Variants in MNT observed in about 807,000 individuals in gnomAD.
The protein encoded by MNT is MAX network transcriptional repressor.
A neutral mutation model predicts 40.7 loss-of-function variants in MNT; 13 were observed. The ratio of observed to expected loss-of-function variants is 0.32; its 90% CI spans 0.21 to 0.51. The LOEUF (loss-of-function observed/expected upper bound fraction) is 0.51. Among genes scored for constraint, MNT ranks in the 20% least tolerant of loss-of-function variants. MNT has a pLI of 0.98. For missense variants in MNT, 757 were observed against 792.0 expected (o/e 0.96, Z 0.53); for synonymous variants, 426 against 354.8 (o/e 1.20, Z -2.26).
In MNT at chr17:2,394,347, C is replaced by T; in HGVS notation, c.654-1G>A. On this transcript the variant is annotated splice_acceptor_variant, in intron 2 of 5. Coordinates refer to ENST00000174618, the MANE Select transcript of MNT (RefSeq NM_020310.3). LOFTEE classifies it high-confidence loss of function. ...GTTGTGGACTTCTCTGGTTCCGATC[C>T]TGAAACCCAGACAGATAGGAGGCTC... is the stretch of plus-strand genomic sequence containing the variant. 6.2e-7 allele frequency: 1 copy of T among 1,613,820 alleles called. No homozygotes were observed. Among genetic ancestry groups the T allele is most frequent in the Non-Finnish European group, 8.5e-7 (1 of 1,179,980 alleles).
intron 1 of MNT, among the ~76,000 whole-genome samples, chr17:2,398,945 G>A (rs1597423121): frequency 6.6e-6 from 1 of 151,992 alleles, no homozygotes; most frequent in South Asian, 2.1e-4. Context: ...TGAGAGGCCG[G>A]TCGCCCCGAC....
intron 1 of MNT, among the ~76,000 whole-genome samples, chr17:2,400,119 G>C (rs1444985747): frequency 6.6e-6 from 1 of 152,236 alleles, no homozygotes; most frequent in Non-Finnish European, 1.5e-5. Context: ...GGCCAGGGAA[G>C]CCGAAGAGCT....
chr17:2,394,194 C>T (rs550989237), intron 3 of MNT, 40 bp from the exon 4 acceptor site: 46 of 1,076,828 alleles, frequency 4.3e-5, no homozygotes, highest in Non-Finnish European at 6.0e-5. Flanking sequence ...GTGCCTGGGG[C>T]GGGGCTGGGA....
chr17:2,393,384 AAG>A (rs894806588), intron 4 of MNT, among the ~76,000 whole-genome samples: 21 of 152,152 alleles, frequency 1.4e-4, no homozygotes, highest in Non-Finnish European at 2.6e-4. Context: ...GCCCCGAAAA[AAG>A]AGACACCCCC....
Position 2,387,261 on chromosome 17 carries a change from G to A in MNT, c.1389C>T (p.Gly463=), listed in dbSNP as rs773202867. ...QTVNHVLQGP[G]GKHIAHIAPS... is the part of the protein sequence containing the mutation. ...GGGCGATGTGGGCGATGTGCTTGCC[G>A]CCTGGCCCCTGCAGAACGTGGTTCA... The change falls in exon 6 of 6, where the codon GGC becomes GGT. Residue 463 remains glycine (G), a synonymous_variant. Transcript: ENST00000174618. 4.6e-5 allele frequency: 74 copies of A among 1,613,018 alleles called. No homozygotes were observed. Among genetic ancestry groups the A allele is most frequent in the Non-Finnish European group, 6.0e-5 (71 of 1,179,666 alleles).
Position 2,395,192 on chromosome 17 carries a change from C to G in MNT, c.336G>C (p.Gln112His), listed in dbSNP as rs1485814331. 4.4e-6 allele frequency: 5 copies of G among 1,123,888 alleles called. No homozygotes were observed. The Middle Eastern group carries it at 7.3e-4, about 164-fold the overall frequency. The allele number at this position is 1,123,888 out of a possible 1,614,324, so 69.6% of individuals were successfully genotyped here. Residue 112 changes from glutamine to histidine, a missense_variant, in exon 2 of 6, where the codon CAG becomes CAC. Around this residue, in one of 4 missense-constraint regions of MNT, gnomAD observed 335 missense variants for 291.4 expected, o/e 1.15. Transcript: ENST00000174618. ...PPPPPLPAAA[Q>H]PLPLAPRQPA... ...GCTGACGAGGCGCCAGGGGCAGAGG[C>G]TGGGCTGCCGCGGGCAAGGGTGGGG... is the stretch of plus-strand genomic sequence containing the variant.
intron 1 of MNT, 119 bp from the exon 2 acceptor site, chr17:2,395,573 C>T (rs1332141595): frequency 1.3e-6 from 2 of 1,499,764 alleles, no homozygotes; most frequent in Admixed American, 2.2e-5. Flanking sequence ...CAGCGAGAGA[C>T]ACCACAAATA....
At position 2,395,203 on chromosome 17, in the gene MNT, C is replaced by A. The variant is rs7207965; in HGVS notation, c.325G>T (p.Ala109Ser). 9 of 746,062 alleles carry A rather than the reference C, an allele frequency of 1.2e-5. No individual in the cohort carries two copies. Among genetic ancestry groups the A allele is most frequent in the Non-Finnish European group, 1.1e-5 (6 of 568,302 alleles). The allele number at this position is 746,062 out of a possible 1,614,324, so 46.2% of individuals were successfully genotyped here. The stretch of plus-strand genomic sequence containing the variant: ...GCCAGGGGCAGAGGCTGGGCTGCCG[C>A]GGGCAAGGGTGGGGGTGGGGGTAGA... Reference protein sequence around the residue: ...QPLPPPPPLPAAAQPLPLAPR... With the variant: ...QPLPPPPPLPSAAQPLPLAPR... Residue 109 changes from alanine (A) to serine (S), a missense_variant, in exon 2 of 6, where the codon GCG (alanine) becomes TCG (serine). This residue lies in a region of MNT where 335 missense variants were observed against 291.4 expected (regional missense o/e 1.15). Transcript: ENST00000174618.
chr17:2,399,600 G>GGGGCCC (rs1186666803), intron 1 of MNT, among the ~76,000 whole-genome samples: 6 of 152,082 alleles, frequency 3.9e-5, no homozygotes, highest in Admixed American at 2.0e-4. Context: ...CCCAGAGGCC[G>GGGGCCC]GGGCCCGGGC....
At chr17:2,399,667 C>A (rs984260242) in intron 1 of MNT, among the ~76,000 whole-genome samples, 2 of 152,046 alleles carry the variant, frequency 1.3e-5, no homozygotes, top group Non-Finnish European at 2.9e-5. Flanking sequence ...CCGCCCCCGG[C>A]CGAGCGCGAG....
intron 2 of MNT, 28 bp downstream of exon 2, chr17:2,394,847 C>CA (rs1286592188): frequency 6.5e-7 from 1 of 1,527,730 alleles, no homozygotes; most frequent in East Asian, 2.4e-5. Flanking sequence ...TATCCCCCAC[C>CA]AGCCCGACCC....
rs1370876590 is a variant in MNT at position 2,395,241 on chromosome 17, T to C, written c.287A>G (p.Asn96Ser). ...GGGTGGGGGTAGAGGCTGAGGGGAG[T>C]TGGTCACCACAGGGATAGGGATGAC... ...LTVIPIPVVTNSPQPLPPPPP... is the reference protein window; with the variant it reads ...LTVIPIPVVTSSPQPLPPPPP... Residue 96 changes from asparagine (N) to serine (S), a missense_variant, in exon 2 of 6, where the codon AAC becomes AGC. By Grantham distance (46) the Asn-to-Ser change is conservative. Transcript: ENST00000174618. The C allele has an allele frequency of 6.7e-7, 1 of 1,502,786 alleles. No homozygotes were observed. The highest frequency in any genetic ancestry group is 8.9e-7 in the Non-Finnish European group (1 of 1,120,538). The allele number at this position is 1,502,786 out of a possible 1,614,324, so 93.1% of individuals were successfully genotyped here.
intron 1 of MNT, among the ~76,000 whole-genome samples, chr17:2,399,094 G>T (rs573641130): frequency 6.6e-6 from 1 of 151,490 alleles, no homozygotes; most frequent in South Asian, 2.1e-4. Context: ...ACTCATCATT[G>T]AAGCAACAAT....
intron 4 of MNT, among the ~76,000 whole-genome samples, chr17:2,388,744 G>C (rs1397824393): frequency 2.6e-5 from 4 of 152,094 alleles, no homozygotes; most frequent in Non-Finnish European, 5.9e-5. Flanking sequence ...AATGGCTGTT[G>C]CGTCCCATGA....
In MNT at chr17:2,395,342, C is replaced by A. The variant is rs775249387; in HGVS notation, c.186G>T (p.Ala62=). ...TLPVEEPRME[A]PPLPLSPPAP... ...CCGGTGGAGACAGAGGCAGGGGTGG[C>A]GCCTCCATGCGGGGTTCCTCCACAG... Residue 62 remains alanine (A), a synonymous_variant, in exon 2 of 6, where the codon GCG becomes GCT. Transcript: ENST00000174618. The A allele has an allele frequency of 1.9e-6, 3 of 1,610,960 alleles. No homozygotes were observed. Among genetic ancestry groups the A allele is most frequent in the Non-Finnish European group, 2.5e-6 (3 of 1,179,038 alleles).
In MNT at chr17:2,388,183, G is replaced by A. The variant is rs537349109; in HGVS notation, c.808-134C>T. ...AACCAGCGGGCCCAGCCTGACGGGG[G>A]CTGCTGGAGACCGCACCTGTTGTGG... is the stretch of plus-strand genomic sequence containing the variant. On this transcript the variant is annotated intron_variant, in intron 4 of 5. Transcript: ENST00000174618. 652 of 801,502 alleles carry A rather than the reference G, an allele frequency of 8.1e-4. 2 individuals are homozygous for A. The highest frequency in any genetic ancestry group is 3.1e-3 in the Admixed American group (110 of 35,712). The allele number at this position is 801,502 out of a possible 1,614,324, so 49.6% of individuals were successfully genotyped here.
In MNT at chr17:2,394,955, C is replaced by T. The variant is rs527894868; in HGVS notation, c.573G>A (p.Pro191=). 819 of 1,607,304 alleles carry T rather than the reference C, an allele frequency of 5.1e-4. 11 individuals are homozygous for T. In the South Asian group the frequency reaches 8.4e-3, roughly 16 times the overall value. The change falls in exon 2 of 6, where the codon CCG becomes CCA. Residue 191 remains proline (P), a synonymous_variant. Transcript: ENST00000174618. Reference sequence around the variant, plus strand: ...TCAGGGTCCCCAGCGTGGGTGGGGGCGGCTGCTGGGGGGCCAGCTGAGGCT... The same window carrying T: ...TCAGGGTCCCCAGCGTGGGTGGGGGTGGCTGCTGGGGGGCCAGCTGAGGCT... ...GVQPQLAPQQ[P]PPPTLGTLKL...
chr17:2,386,808 G>A lies in MNT; in HGVS notation c.*93C>T. 7.4e-7 allele frequency: 1 copy of A among 1,346,322 alleles called. No homozygotes were observed. The highest frequency in any genetic ancestry group is 9.8e-7 in the Non-Finnish European group (1 of 1,018,696). 83.4% of individuals were successfully genotyped at this position (1,346,322 alleles called of 1,614,324 possible). A position where few individuals can be genotyped will look rare whatever the true frequency, so the allele number is the denominator to read the frequency against. ...GGGGGTGGGTGGGGGGGCTGGCCTG[G>A]GCCTGGCTGGAATGTGTGGAGCTGG... On this transcript the variant is annotated 3_prime_UTR_variant, in exon 6 of 6. Coordinates refer to ENST00000174618, the MANE Select transcript of MNT (RefSeq NM_020310.3).
intron 4 of MNT, among the ~76,000 whole-genome samples, chr17:2,388,565 G>A (rs1368855611): frequency 6.6e-6 from 1 of 151,750 alleles, no homozygotes; most frequent in South Asian, 2.1e-4. Context: ...CCTGCTCCCC[G>A]ACCCCCTAGG....
Sources: allele counts gnomAD v4.1 joint callset (sites outside exome capture counted in the v4.1 genomes callset), GRCh38; gene constraint gnomAD v4.1.1; regional missense constraint gnomAD v4.1.1; transcripts MANE v1.5; gene names NCBI Gene and HGNC (gene_info 2026-07-23, HGNC 2026-07-21).